The following PKIB variants were observed in gnomAD, a reference collection of about 807,000 sequenced individuals.
The protein encoded by PKIB is PKI-beta.
Under a neutral mutation model 4.5 loss-of-function variants are expected in PKIB, and 2 were observed. That is an observed-to-expected ratio of 0.44 (90% CI 0.18 to 1.39). The LOEUF (loss-of-function observed/expected upper bound fraction) is 1.39. Among genes scored for constraint, PKIB ranks in the 40% most tolerant of loss-of-function variants. The pLI is 0.27. For missense variants in PKIB, 94 were observed against 92.6 expected (o/e 1.02, Z -0.06); for synonymous variants, 38 against 36.0 (o/e 1.06, Z -0.20).
chr6:122,596,060 T>A (rs138511362), intron 3 of PKIB, among the ~76,000 whole-genome samples: 131 of 152,328 alleles, frequency 8.6e-4, no homozygotes, highest in African/African-American at 3.0e-3. Flanking sequence ...AGCCAAACCA[T>A]TGGCTATAGC....
chr6:122,501,613 C>T (rs1026769124), intron 2 of PKIB, among the ~76,000 whole-genome samples: 2 of 152,176 alleles, frequency 1.3e-5, no homozygotes, highest in Admixed American at 6.5e-5. Flanking sequence ...TGCAGGGTGC[C>T]ATGTCCTGAG....
intron 2 of PKIB, among the ~76,000 whole-genome samples, chr6:122,521,969 A>T (rs562176993): frequency 6.6e-6 from 1 of 152,260 alleles, no homozygotes; most frequent in African/African-American, 2.4e-5. Context: ...TTGAACTGCC[A>T]CTGCACTGAA....
At chr6:122,569,580 C>T (rs1173716350) in intron 2 of PKIB, among the ~76,000 whole-genome samples, 1 of 152,216 alleles carries the variant, frequency 6.6e-6, no homozygotes, top group Non-Finnish European at 1.5e-5. Context: ...GTCTACGTCA[C>T]TCCTCTACCA....
chr6:122,535,436 G>A (rs1308895144), intron 2 of PKIB, among the ~76,000 whole-genome samples: 1 of 152,030 alleles, frequency 6.6e-6, no homozygotes, highest in African/African-American at 2.4e-5. Flanking sequence ...AGTAAAATAT[G>A]ACACATTTGT....
intron 1 of PKIB, among the ~76,000 whole-genome samples, chr6:122,614,721 G>A (rs977914288): frequency 6.6e-6 from 1 of 152,030 alleles, no homozygotes; most frequent in African/African-American, 2.4e-5. Flanking sequence ...TATGGATTGA[G>A]CTAATACATC....
rs1158748809 is a variant in PKIB at position 122,725,976 on chromosome 6, T to C, written c.*781T>C. ...TGTTTTACACTCTCTTTTCTTATTC[T>C]TAGGGCTTTTGTGTATGTCTGACTT... On this transcript the variant is annotated 3_prime_UTR_variant, in exon 5 of 5. Transcript: ENST00000368452. 3 of 152,186 alleles carry C rather than the reference T, an allele frequency of 2.0e-5. No individual in the cohort carries two copies. The highest frequency in any genetic ancestry group is 7.2e-5 in the African/African-American group (3 of 41,462). 9.4% of individuals were successfully genotyped at this position (152,186 alleles called of 1,614,324 possible). A position where few individuals can be genotyped will look rare whatever the true frequency, so the allele number is the denominator to read the frequency against.
At chr6:122,617,159 GCATCTAC>G (rs1174390499) in intron 1 of PKIB, among the ~76,000 whole-genome samples, 1 of 152,160 alleles carries the variant, frequency 6.6e-6, no homozygotes, top group Non-Finnish European at 1.5e-5. Flanking sequence ...AATGGGTATT[GCATCTAC>G]CGTATGCACT....
chr6:122,501,947 TTTA>T (rs1414357829), intron 2 of PKIB, among the ~76,000 whole-genome samples: 194 of 149,356 alleles, frequency 1.3e-3, no homozygotes, highest in African/African-American at 4.7e-3. Flanking sequence ...TTTTTTTTTT[TTTA>T]ATTTTATTTT....
intron 3 of PKIB, among the ~76,000 whole-genome samples, chr6:122,702,249 G>T (rs1367005377): frequency 1.3e-5 from 2 of 151,504 alleles, no homozygotes; most frequent in African/African-American, 4.9e-5. Flanking sequence ...TGCCCCAGCA[G>T]AGGCAAATTC....
intron 2 of PKIB, among the ~76,000 whole-genome samples, chr6:122,655,161 T>C (rs1393497184): frequency 6.6e-6 from 1 of 152,176 alleles, no homozygotes; most frequent in African/African-American, 2.4e-5. Flanking sequence ...AAGTACCATA[T>C]AGTCTGCTTA....
chr6:122,539,859 T>G (rs371609666), intron 2 of PKIB, among the ~76,000 whole-genome samples: 2 of 152,038 alleles, frequency 1.3e-5, no homozygotes, highest in African/African-American at 4.8e-5. Flanking sequence ...CAATTTCAGA[T>G]CCTGTTATTG....
chr6:122,554,098 A>T lies in PKIB; in HGVS notation c.-247-31823A>T, dbSNP rs1158271788. Among the ~76,000 whole-genome samples the T allele has an allele frequency of 3.9e-5, 6 of 152,346 alleles. No homozygotes were observed. In the South Asian group the frequency reaches 1.2e-3, roughly 32 times the overall value. ...AAATCAGCATTTCTTAGATTCCTTAAATTTGTCAATTAAAAATTTTGTACT... is the reference window on the plus strand; with the variant it reads ...AAATCAGCATTTCTTAGATTCCTTATATTTGTCAATTAAAAATTTTGTACT... On this transcript the variant is annotated intron_variant, in intron 2 of 6. Transcript: ENST00000392491.
intron 3 of PKIB, among the ~76,000 whole-genome samples, chr6:122,602,716 A>C (rs1582728994): frequency 6.6e-6 from 1 of 152,090 alleles, no homozygotes; most frequent in Non-Finnish European, 1.5e-5. Context: ...GGAGTTCGAG[A>C]CCAGCCTGGC....
upstream of PKIB, among the ~76,000 whole-genome samples, chr6:122,607,314 AAAAC>A (rs1418138370): frequency 6.7e-6 from 1 of 148,622 alleles, no homozygotes; most frequent in Non-Finnish European, 1.5e-5. Context: ...TCTCTACAAA[AAAAC>A]AAAACAAAAC....
chr6:122,626,127 A>G (rs186825843), intron 1 of PKIB, among the ~76,000 whole-genome samples: 3 of 152,236 alleles, frequency 2.0e-5, no homozygotes, highest in Admixed American at 2.0e-4. Context: ...GAAATGAAAA[A>G]TTAATAGTAG....
intron 2 of PKIB, among the ~76,000 whole-genome samples, chr6:122,574,226 G>A (rs1031691949): frequency 9.9e-5 from 15 of 151,970 alleles, no homozygotes; most frequent in African/African-American, 3.6e-4. Flanking sequence ...AACCAAGTAG[G>A]TGAAAGATCA....
At chr6:122,644,597 A>G (rs1562282756) in intron 2 of PKIB, 1 of 152,192 alleles carries the variant, frequency 6.6e-6, no homozygotes, top group Non-Finnish European at 1.5e-5. Flanking sequence ...TGATATTTGT[A>G]AAGTACTTAG....
At chr6:122,707,255 C>T (rs1437533938) in intron 3 of PKIB, among the ~76,000 whole-genome samples, 1 of 151,768 alleles carries the variant, frequency 6.6e-6, no homozygotes, top group Non-Finnish European at 1.5e-5. Flanking sequence ...TTTTTGTTCC[C>T]ATAATTTTGA....
At chr6:122,709,102 G>A (rs907506385) in intron 3 of PKIB, among the ~76,000 whole-genome samples, 1 of 152,164 alleles carries the variant, frequency 6.6e-6, no homozygotes, top group Non-Finnish European at 1.5e-5. Context: ...TGTTAACCAA[G>A]CACATTTATA....
Sources: allele counts gnomAD v4.1 joint callset (sites outside exome capture counted in the v4.1 genomes callset), GRCh38; gene constraint gnomAD v4.1.1; transcripts MANE v1.5; gene names NCBI Gene and HGNC (gene_info 2026-07-23, HGNC 2026-07-21).